LSAMP: variants seen among roughly 807,000 people sequenced by gnomAD.
LSAMP encodes limbic system-associated membrane protein.
In LSAMP, 7 loss-of-function variants were observed where a neutral mutation model predicts 38.6. That is an observed-to-expected ratio of 0.18 (90% CI 0.10 to 0.34). LSAMP has a LOEUF of 0.34. LSAMP is among the 10% of genes least tolerant of loss of function. The pLI, the probability that LSAMP is intolerant of heterozygous loss-of-function variation, is 1.00. For missense variants in LSAMP, 313 were observed against 420.0 expected, an observed-to-expected ratio of 0.75 and a Z score of 2.23; for synonymous variants, 154 against 166.8, an observed-to-expected ratio of 0.92 and a Z score of 0.59.
chr3:116,372,067 GAAAGACAACAC>G (rs2048436798), intron 1 of LSAMP, among the ~76,000 whole-genome samples: 1 of 152,014 alleles, frequency 6.6e-6, no homozygotes, highest in Non-Finnish European at 1.5e-5. Context: ...TTTACAGATT[GAAAGACAACAC>G]TATTAAGATA....
intron 1 of LSAMP, among the ~76,000 whole-genome samples, chr3:116,220,785 A>G (rs974692863): frequency 2.6e-5 from 4 of 152,222 alleles, no homozygotes; most frequent in Non-Finnish European, 5.9e-5. Context: ...GGCCAGAATA[A>G]GCAGCCATTC....
intron 1 of LSAMP, among the ~76,000 whole-genome samples, chr3:116,141,331 G>A (rs974493955): frequency 6.6e-6 from 1 of 151,862 alleles, no homozygotes; most frequent in Admixed American, 6.6e-5. Flanking sequence ...AGAAGGGGAT[G>A]CGGAGAAGAG....
At chr3:116,256,648 C>T (rs1323381117) in intron 1 of LSAMP, among the ~76,000 whole-genome samples, 2 of 146,814 alleles carry the variant, frequency 1.4e-5, no homozygotes, top group Non-Finnish European at 2.9e-5. Context: ...ATATCTGATC[C>T]TCTCTAAATT....
At chr3:115,995,109 A>G (rs899803924) in intron 3 of LSAMP, among the ~76,000 whole-genome samples, 6 of 152,108 alleles carry the variant, frequency 3.9e-5, no homozygotes, top group African/African-American at 1.2e-4. Flanking sequence ...TCAACTTTCC[A>G]TACATAGTAT....
chr3:115,988,723 C>T (rs1010773989), intron 3 of LSAMP, among the ~76,000 whole-genome samples: 1 of 151,900 alleles, frequency 6.6e-6, no homozygotes, highest in Non-Finnish European at 1.5e-5. Flanking sequence ...TTTTTGATTT[C>T]CTTCATTTTT....
chr3:116,176,982 T>G (rs576346792), intron 1 of LSAMP, among the ~76,000 whole-genome samples: 2 of 152,276 alleles, frequency 1.3e-5, no homozygotes, highest in East Asian at 1.9e-4. Flanking sequence ...AATTGTGGTG[T>G]TGTGTTTTTT....
chr3:116,346,166 A>T (rs890020582), intron 1 of LSAMP, among the ~76,000 whole-genome samples: 6 of 152,166 alleles, frequency 3.9e-5, no homozygotes, highest in Non-Finnish European at 7.3e-5. Context: ...TTTTCATTGC[A>T]AATAACCATA....
At position 116,286,965 on chromosome 3, in the gene LSAMP, C is replaced by T. The variant is rs145557127; in HGVS notation, c.155+157912G>A. ...ACACTGCCATCACCAGCTGTGACTC[C>T]CTCATCCCTTTCTATCTATAACCAT... On this transcript the variant is annotated intron_variant, in intron 1 of 6. Coordinates refer to ENST00000490035, the MANE Select transcript of LSAMP (RefSeq NM_002338.5). Among the ~76,000 whole-genome samples the T allele has an allele frequency of 3.2e-4, 49 of 152,040 alleles. No homozygotes were observed. In the East Asian group the frequency reaches 8.7e-3, roughly 27 times the overall value.
At chr3:115,953,631 C>T (rs1302224187) in intron 3 of LSAMP, among the ~76,000 whole-genome samples, 3 of 152,112 alleles carry the variant, frequency 2.0e-5, no homozygotes. Flanking sequence ...CTGAAGAAAA[C>T]TCGGAGATTA....
In LSAMP at chr3:116,156,306, C is replaced by T. The variant is rs559349597; in HGVS notation, c.156-69750G>A. On this transcript the variant is annotated intron_variant, in intron 1 of 6. Transcript: ENST00000490035. The stretch of plus-strand genomic sequence containing the variant: ...ACAGATATCACTGCTGAAATCCTAA[C>T]GTTGAGTAAAATGCAGAAAGTCACA... 2.6e-4 allele frequency among the ~76,000 whole-genome samples: 40 copies of T among 152,238 alleles called. No homozygotes were observed. The South Asian group carries it at 3.5e-3, about 13-fold the overall frequency.
At position 116,170,055 on chromosome 3, in the gene LSAMP, T is replaced by C. The variant is rs189088076; in HGVS notation, c.156-83499A>G. Among the ~76,000 whole-genome samples, 328 of 151,480 alleles carry C rather than the reference T, an allele frequency of 2.2e-3. 2 individuals carry two copies. Among genetic ancestry groups the C allele is most frequent in the South Asian group, 0.014 (66 of 4,830 alleles). On this transcript the variant is annotated intron_variant, in intron 1 of 6. Transcript: ENST00000490035. ...TTCTTGATAATTATTAATCTATATA[T>C]TGTGCTTGTCTGTGTACTTTGCTTT...
At chr3:116,391,557 G>A (rs901119840) in intron 1 of LSAMP, among the ~76,000 whole-genome samples, 7 of 152,032 alleles carry the variant, frequency 4.6e-5, no homozygotes, top group African/African-American at 1.7e-4. Flanking sequence ...ACTAGCGGGG[G>A]AGCAGTATGA....
intron 1 of LSAMP, among the ~76,000 whole-genome samples, chr3:116,121,986 A>T (rs963497763): frequency 6.6e-6 from 1 of 151,698 alleles, no homozygotes; most frequent in Non-Finnish European, 1.5e-5. Context: ...CAGAGAAGCC[A>T]AAAGATTGGC....
At chr3:116,323,455 A>G (rs1463906929) in intron 1 of LSAMP, among the ~76,000 whole-genome samples, 1 of 152,150 alleles carries the variant, frequency 6.6e-6, no homozygotes, top group Non-Finnish European at 1.5e-5. Context: ...TTCAAAGTCC[A>G]GAGCAAATCT....
chr3:115,960,155 G>A (rs1015126460), intron 3 of LSAMP, among the ~76,000 whole-genome samples: 11 of 152,182 alleles, frequency 7.2e-5, no homozygotes, highest in South Asian at 2.1e-4. Flanking sequence ...GAAGTGAGGT[G>A]TGTAAAGAGG....
At chr3:116,199,053 TA>T (rs1457578366) in intron 1 of LSAMP, among the ~76,000 whole-genome samples, 1 of 151,866 alleles carries the variant, frequency 6.6e-6, no homozygotes, top group Admixed American at 6.6e-5. Context: ...CACTGCACTA[TA>T]GCCTGTGTGA....
At chr3:116,111,280 G>C (rs561385619) in intron 1 of LSAMP, among the ~76,000 whole-genome samples, 1 of 152,138 alleles carries the variant, frequency 6.6e-6, no homozygotes, top group Non-Finnish European at 1.5e-5. Flanking sequence ...AGTTGGCTCC[G>C]GACTGCCAGA....
At chr3:116,226,038 A>G (rs1169718595) in intron 1 of LSAMP, among the ~76,000 whole-genome samples, 1 of 152,146 alleles carries the variant, frequency 6.6e-6, no homozygotes, top group Non-Finnish European at 1.5e-5. Flanking sequence ...TACCTCCTCA[A>G]ATCTTCCTTT....
chr3:116,049,494 C>G (rs33956431), intron 2 of LSAMP, among the ~76,000 whole-genome samples: 17,960 of 152,190 alleles, frequency 0.12, 1,221 homozygotes, highest in Non-Finnish European at 0.15. Flanking sequence ...ATTTGCCTTT[C>G]AAACTCTGTG....
Sources: allele counts gnomAD v4.1 joint callset (sites outside exome capture counted in the v4.1 genomes callset), GRCh38; gene constraint gnomAD v4.1.1; transcripts MANE v1.5; gene names NCBI Gene and HGNC (gene_info 2026-07-23, HGNC 2026-07-21).